The following HDAC4 variants were observed in gnomAD, a reference collection of about 807,000 sequenced individuals.
HDAC4 encodes the protein histone deacetylase 4, also known as histone deacetylase A.
Under a neutral mutation model 135.1 loss-of-function variants are expected in HDAC4, and 16 were observed. The observed-to-expected ratio is 0.12, with a 90% CI of 0.08 to 0.18. The LOEUF is 0.18. Among genes scored for constraint, HDAC4 ranks in the 10% least tolerant of loss-of-function variants. The probability of loss-of-function intolerance (pLI) is 1.00; values close to 1 mark genes in which losing one functional copy is unlikely to be tolerated. For synonymous variants in HDAC4, 685 were observed against 653.4 expected, an observed-to-expected ratio of 1.05 and a Z score of -0.74; for missense variants, 1,143 against 1,511.8, an observed-to-expected ratio of 0.76 and a Z score of 4.05.
intron 2 of HDAC4, among the ~76,000 whole-genome samples, chr2:239,339,739 T>C (rs1692179748): frequency 1.3e-5 from 2 of 152,104 alleles, no homozygotes; most frequent in Non-Finnish European, 2.9e-5. Flanking sequence ...GCCACACCCA[T>C]GCAAATCAGT....
At chr2:239,343,602 T>C (rs186827655) in intron 2 of HDAC4, among the ~76,000 whole-genome samples, 29 of 152,358 alleles carry the variant, frequency 1.9e-4, no homozygotes, top group African/African-American at 6.7e-4. Flanking sequence ...TCCCTTGGCC[T>C]CCACATCCCT....
intron 3 of HDAC4, among the ~76,000 whole-genome samples, chr2:239,191,780 C>T (rs1172099658): frequency 1.3e-5 from 2 of 152,186 alleles, no homozygotes; most frequent in Non-Finnish European, 2.9e-5. Context: ...GCTGGCTGCC[C>T]TGGCTGGACT....
chr2:239,162,652 C>T (rs1366066684), intron 6 of HDAC4, among the ~76,000 whole-genome samples: 4 of 152,158 alleles, frequency 2.6e-5, no homozygotes, highest in African/African-American at 9.6e-5. Flanking sequence ...TCTCACTCCT[C>T]CTTGCAAGTT....
chr2:239,262,512 C>T lies in HDAC4; in HGVS notation c.23-25848G>A, dbSNP rs1312090896. 2.0e-5 allele frequency among the ~76,000 whole-genome samples: 3 copies of T among 152,166 alleles called. No homozygotes were observed. Among genetic ancestry groups the T allele is most frequent in the Non-Finnish European group, 2.9e-5 (2 of 68,018 alleles). ...CACCCTTGCCTTGTTTGCCCAGGTC[C>T]GAGATGAGGTAATGCCATTAGCAGG... On this transcript the variant is annotated intron_variant, in intron 2 of 26. Coordinates refer to ENST00000543185, the MANE Select transcript of HDAC4 (RefSeq NM_001378414.1). The surrounding 1 kb of genome is among the most constrained non-coding windows in gnomAD (Gnocchi z 4.1).
intron 3 of HDAC4, among the ~76,000 whole-genome samples, chr2:239,224,177 C>T (rs1212444683): frequency 6.6e-6 from 1 of 152,230 alleles, no homozygotes; most frequent in East Asian, 1.9e-4. Flanking sequence ...CTTCTGTTTC[C>T]TGCACAGCCC....
intron 17 of HDAC4, among the ~76,000 whole-genome samples, chr2:239,090,627 A>T (rs59914291): frequency 0.012 from 1,736 of 148,956 alleles, 30 homozygotes; most frequent in African/African-American, 0.04. Flanking sequence ...TGGGTAACAC[A>T]GTGAGGCTCT....
chr2:239,134,750 T>C (rs1393965397), intron 9 of HDAC4, 107 bp from the exon 10 acceptor site: 2 of 835,596 alleles, frequency 2.4e-6, no homozygotes, highest in Non-Finnish European at 4.2e-6. Context: ...TTCTGATATA[T>C]GAGCGTAAAC....
In HDAC4 at chr2:239,159,328, ACAC is replaced by A. The variant is rs142905590; in HGVS notation, c.612-2558_612-2556del. On this transcript the variant is annotated intron_variant, in intron 6 of 26. Coordinates refer to ENST00000543185, the MANE Select transcript of HDAC4 (RefSeq NM_001378414.1). ...CCAACTACACTCACACCTGCACTGC[ACAC>A]TACTCACACCCACATTCCACACCCC... 2.2e-3 allele frequency among the ~76,000 whole-genome samples: 331 copies of A among 147,358 alleles called. 1 individual carries two copies. The highest frequency in any genetic ancestry group is 8.0e-3 in the African/African-American group (315 of 39,470).
At chr2:239,159,202 A>T (rs1383614180) in intron 6 of HDAC4, among the ~76,000 whole-genome samples, 1 of 147,832 alleles carries the variant, frequency 6.8e-6, no homozygotes, top group African/African-American at 2.5e-5. Flanking sequence ...TCCCACCCAC[A>T]CCTCACATTA....
chr2:239,124,539 C>T (rs911761832), intron 12 of HDAC4, among the ~76,000 whole-genome samples: 3 of 151,834 alleles, frequency 2.0e-5, no homozygotes, highest in Non-Finnish European at 2.9e-5. Context: ...GGCGTGTGGC[C>T]GTGCGTCATT....
chr2:239,078,146 C>A (rs576594991), intron 22 of HDAC4, among the ~76,000 whole-genome samples: 1 of 152,302 alleles, frequency 6.6e-6, no homozygotes, highest in Middle Eastern at 3.4e-3. Context: ...CATCTCCCTA[C>A]AAGCCCCCAC....
chr2:239,227,774 C>A (rs998751499), intron 3 of HDAC4, among the ~76,000 whole-genome samples: 2 of 152,086 alleles, frequency 1.3e-5, no homozygotes, highest in Non-Finnish European at 2.9e-5. Flanking sequence ...CCAGAAGGGC[C>A]CTCTGAAGGC....
intron 2 of HDAC4, among the ~76,000 whole-genome samples, chr2:239,312,313 C>G (rs920983016): frequency 2.0e-5 from 3 of 152,184 alleles, no homozygotes; most frequent in African/African-American, 7.2e-5. Flanking sequence ...TAGCACCTGA[C>G]AGGGAAGATG....
At chr2:239,294,302 A>G (rs2051715269) in intron 2 of HDAC4, among the ~76,000 whole-genome samples, 1 of 152,090 alleles carries the variant, frequency 6.6e-6, no homozygotes, top group South Asian at 2.1e-4. Context: ...CGCCGTGAGG[A>G]CGTGGACACT....
At chr2:239,212,484 G>C (rs2046396686) in intron 3 of HDAC4, among the ~76,000 whole-genome samples, 1 of 152,212 alleles carries the variant, frequency 6.6e-6, no homozygotes, top group African/African-American at 2.4e-5. Flanking sequence ...AGCCAGTCGG[G>C]GGCTGGCTGA....
chr2:239,121,359 T>G (rs559939678), intron 12 of HDAC4, among the ~76,000 whole-genome samples: 1 of 152,188 alleles, frequency 6.6e-6, no homozygotes, highest in Non-Finnish European at 1.5e-5. Flanking sequence ...GTGGGGGTCA[T>G]AGCGGGGGTC....
At chr2:239,312,936 C>T (rs1206895019) in intron 2 of HDAC4, among the ~76,000 whole-genome samples, 1 of 152,224 alleles carries the variant, frequency 6.6e-6, no homozygotes, top group East Asian at 1.9e-4. Flanking sequence ...GTGGGGGCGG[C>T]CGGCCAGCAG....
At chr2:239,368,945 A>T (rs1694412498) in intron 1 of HDAC4, among the ~76,000 whole-genome samples, 1 of 152,110 alleles carries the variant, frequency 6.6e-6, no homozygotes, top group Non-Finnish European at 1.5e-5. Context: ...TGCTGCTGTG[A>T]TTATTCACAG....
chr2:239,266,349 A>G (rs569606984), intron 2 of HDAC4, among the ~76,000 whole-genome samples: 66 of 152,270 alleles, frequency 4.3e-4, no homozygotes, highest in African/African-American at 1.6e-3. Context: ...CCTGCACTGC[A>G]AGCCACTGGC....
Sources: allele counts gnomAD v4.1 joint callset (sites outside exome capture counted in the v4.1 genomes callset), GRCh38; gene constraint gnomAD v4.1.1; non-coding constraint Gnocchi (gnomAD v3.1); transcripts MANE v1.5; gene names NCBI Gene and HGNC (gene_info 2026-07-23, HGNC 2026-07-21).